The following ADGRL3 variants were observed in gnomAD, a reference collection of about 807,000 sequenced individuals.
The protein encoded by ADGRL3 is adhesion G protein-coupled receptor L3.
In ADGRL3, 62 loss-of-function variants were observed where a neutral mutation model predicts 153.5. The ratio of observed to expected loss-of-function variants is 0.40; its 90% CI spans 0.33 to 0.50. The LOEUF (loss-of-function observed/expected upper bound fraction) is 0.50. ADGRL3 is among the 20% of genes least tolerant of loss of function. The pLI, the probability that ADGRL3 is intolerant of heterozygous loss-of-function variation, is 0.47. For synonymous variants in ADGRL3, 710 were observed against 672.5 expected (o/e 1.06, Z -0.86); for missense variants, 1,641 against 1,859.4 (o/e 0.88, Z 2.16).
At chr4:61,493,137 A>G (rs2098275354) in intron 2 of ADGRL3, among the ~76,000 whole-genome samples, 1 of 152,200 alleles carries the variant, frequency 6.6e-6, no homozygotes, top group South Asian at 2.1e-4. Flanking sequence ...TGAGAAATCT[A>G]TTAGCTATTA....
intron 2 of ADGRL3, among the ~76,000 whole-genome samples, chr4:61,463,053 A>G (rs2097842867): frequency 1.3e-5 from 2 of 152,208 alleles, no homozygotes; most frequent in Non-Finnish European, 2.9e-5. Flanking sequence ...AATATAGAAA[A>G]TAACAAAAGG....
At chr4:61,609,921 A>G (rs1213992798) in intron 5 of ADGRL3, among the ~76,000 whole-genome samples, 1 of 152,014 alleles carries the variant, frequency 6.6e-6, no homozygotes, top group Non-Finnish European at 1.5e-5. Flanking sequence ...TGAAAGATAT[A>G]TAATAGGTAC....
At chr4:61,523,478 A>G (rs927053245) in intron 4 of ADGRL3, among the ~76,000 whole-genome samples, 1 of 152,068 alleles carries the variant, frequency 6.6e-6, no homozygotes, top group Admixed American at 6.6e-5. Context: ...GAGGTTTGCC[A>G]TTTTAGACAA....
intron 9 of ADGRL3, among the ~76,000 whole-genome samples, chr4:61,846,802 T>C (rs922893976): frequency 6.6e-5 from 10 of 151,730 alleles, no homozygotes; most frequent in Non-Finnish European, 1.3e-4. Context: ...GGAGCAGGCA[T>C]GTCACATGGT....
intron 24 of ADGRL3, among the ~76,000 whole-genome samples, chr4:62,039,577 A>T (rs922360472): frequency 6.6e-6 from 1 of 152,180 alleles, no homozygotes; most frequent in Non-Finnish European, 1.5e-5. Flanking sequence ...AAAGTTGCAA[A>T]TCAGAAGAAC....
chr4:61,559,741 C>T (rs2098786214), intron 4 of ADGRL3, among the ~76,000 whole-genome samples: 1 of 151,914 alleles, frequency 6.6e-6, no homozygotes, highest in Non-Finnish European at 1.5e-5. Flanking sequence ...TCTCTATTTG[C>T]TTATGTCCAT....
At chr4:61,241,051 GA>G (rs1466760404) in intron 1 of ADGRL3, among the ~76,000 whole-genome samples, 2 of 151,850 alleles carry the variant, frequency 1.3e-5, no homozygotes, top group African/African-American at 2.4e-5. Context: ...ATTTTTAGAT[GA>G]AAAAACTGTG....
chr4:62,064,913 A>G (rs1248828327), intron 25 of ADGRL3, among the ~76,000 whole-genome samples: 1 of 152,106 alleles, frequency 6.6e-6, no homozygotes, highest in Non-Finnish European at 1.5e-5. Context: ...TCGTTTGTCA[A>G]TACAATGAAA....
intron 1 of ADGRL3, among the ~76,000 whole-genome samples, chr4:61,326,550 T>A (rs1053161778): frequency 1.3e-5 from 2 of 150,530 alleles, no homozygotes; most frequent in African/African-American, 2.4e-5. Context: ...ATATTGTGAT[T>A]TTTTTTTTGC....
intron 21 of ADGRL3, among the ~76,000 whole-genome samples, chr4:62,016,234 A>T (rs1189160686): frequency 6.6e-6 from 1 of 152,040 alleles, no homozygotes; most frequent in Non-Finnish European, 1.5e-5. Context: ...TTTTTAGTAG[A>T]GATGGGGTTT....
chr4:61,867,540 A>ATATATATATATG (rs201200813), intron 9 of ADGRL3, among the ~76,000 whole-genome samples: 1 of 132,122 alleles, frequency 7.6e-6, no homozygotes, highest in African/African-American at 2.7e-5. Context: ...ATATATATAT[A>ATATATATATATG]ATTGTAGGAG....
At chr4:61,998,107 A>C in intron 20 of ADGRL3, 67 bp from the exon 21 acceptor site, 3 of 707,552 alleles carry the variant, frequency 4.2e-6, no homozygotes, top group Non-Finnish European at 7.1e-6. Flanking sequence ...CATGTGTTAT[A>C]GAGAATAAAT....
intron 6 of ADGRL3, among the ~76,000 whole-genome samples, chr4:61,680,639 T>G (rs575821243): frequency 6.6e-6 from 1 of 152,166 alleles, no homozygotes; most frequent in South Asian, 2.1e-4. Flanking sequence ...CACGGAATTT[T>G]AGGAGTCACT....
At chr4:61,370,014 C>T (rs1262786490) in intron 1 of ADGRL3, among the ~76,000 whole-genome samples, 7 of 152,066 alleles carry the variant, frequency 4.6e-5, no homozygotes, top group Admixed American at 2.0e-4. Context: ...AGTTTATTTG[C>T]ATAGAGGTGT....
intron 9 of ADGRL3, among the ~76,000 whole-genome samples, chr4:61,828,600 T>A (rs2097838064): frequency 6.6e-6 from 1 of 152,166 alleles, no homozygotes; most frequent in African/African-American, 2.4e-5. Context: ...TTTTTCTTTA[T>A]AAAATCGACC....
intron 9 of ADGRL3, among the ~76,000 whole-genome samples, chr4:61,814,945 G>T (rs867058414): frequency 6.6e-6 from 1 of 152,036 alleles, no homozygotes; most frequent in Non-Finnish European, 1.5e-5. Flanking sequence ...TGTATGCTCT[G>T]TGAGGGCACA....
chr4:61,313,930 A>G (rs1162610192), intron 1 of ADGRL3, among the ~76,000 whole-genome samples: 1 of 152,058 alleles, frequency 6.6e-6, no homozygotes, highest in Non-Finnish European at 1.5e-5. Flanking sequence ...CTGGGAACCT[A>G]TAGACATGCC....
At chr4:61,999,306 CACATT>C (rs2099132470) in intron 21 of ADGRL3, among the ~76,000 whole-genome samples, 1 of 152,102 alleles carries the variant, frequency 6.6e-6, no homozygotes, top group Non-Finnish European at 1.5e-5. Flanking sequence ...TGAAAATATT[CACATT>C]ACTTTTCAAC....
chr4:61,791,261 G>T (rs891440759), intron 8 of ADGRL3, among the ~76,000 whole-genome samples: 1 of 152,140 alleles, frequency 6.6e-6, no homozygotes, highest in Admixed American at 6.5e-5. Flanking sequence ...GATACAATGG[G>T]GTACAGGCAC....
Sources: gnomAD v4.1 joint callset for allele counts (sites outside exome capture counted in the v4.1 genomes callset) on GRCh38, gnomAD v4.1.1 for gene constraint, MANE v1.5 for transcripts, NCBI Gene and HGNC (gene_info 2026-07-23, HGNC 2026-07-21) for gene names.